Variants in STXBP3 observed in about 807,000 individuals in gnomAD.
STXBP3 encodes the protein syntaxin binding protein 3, also known as syntaxin-binding protein 3.
Under a neutral mutation model 85.7 loss-of-function variants are expected in STXBP3, and 41 were observed. The ratio of observed to expected loss-of-function variants is 0.48; its 90% CI spans 0.37 to 0.62. The LOEUF (loss-of-function observed/expected upper bound fraction) is 0.62, where lower values mean the gene tolerates loss of function less well. Among genes scored for constraint, STXBP3 ranks in the 20% least tolerant of loss-of-function variants. The pLI, the probability that STXBP3 is intolerant of heterozygous loss-of-function variation, is 0.00. For missense variants in STXBP3, 563 were observed against 703.1 expected, an observed-to-expected ratio of 0.80 and a Z score of 2.25; for synonymous variants, 229 against 231.7, an observed-to-expected ratio of 0.99 and a Z score of 0.10.
intron 13 of STXBP3, among the ~76,000 whole-genome samples, chr1:108,795,782 T>C (rs1442044138): frequency 1.3e-5 from 2 of 152,246 alleles, no homozygotes; most frequent in African/African-American, 4.8e-5. Context: ...AACAATAGTT[T>C]ACAAGTGATG....
chr1:108,785,061 A>C (rs888358652), intron 11 of STXBP3, among the ~76,000 whole-genome samples: 1 of 152,172 alleles, frequency 6.6e-6, no homozygotes, highest in East Asian at 1.9e-4. Flanking sequence ...CAGCTTTTCC[A>C]GGCACATGTT....
intron 17 of STXBP3, among the ~76,000 whole-genome samples, chr1:108,807,156 A>G (rs1430654882): frequency 9.2e-5 from 14 of 151,726 alleles, no homozygotes; most frequent in South Asian, 2.1e-4. Flanking sequence ...GGAGGCTGAA[A>G]CAGGAGAATT....
At chr1:108,763,636 C>T (rs897875964) in intron 6 of STXBP3, among the ~76,000 whole-genome samples, 1 of 152,024 alleles carries the variant, frequency 6.6e-6, no homozygotes, top group Non-Finnish European at 1.5e-5. Flanking sequence ...GGTGCAGTGG[C>T]GCGATCTCAG....
At chr1:108,805,333 T>C (rs1663305160) in intron 17 of STXBP3, among the ~76,000 whole-genome samples, 1 of 152,302 alleles carries the variant, frequency 6.6e-6, no homozygotes, top group Non-Finnish European at 1.5e-5. Context: ...TTTTTAATTT[T>C]AGTTTTTAAA....
chr1:108,750,435 T>A (rs1198142041), intron 1 of STXBP3, among the ~76,000 whole-genome samples: 3 of 152,194 alleles, frequency 2.0e-5, no homozygotes, highest in Non-Finnish European at 2.9e-5. Flanking sequence ...ATTATCTCAA[T>A]TGATATTTCA....
rs371859415 is a variant in STXBP3, at chr1:108,807,387, A to T, written c.1536-14A>T. The T allele has an allele frequency of 1.1e-3, 1,770 of 1,570,606 alleles. 4 individuals are homozygous for T. In the African/African-American group the frequency reaches 0.015, roughly 13 times the overall value. On this transcript the variant is annotated splice_polypyrimidine_tract_variant and intron_variant, in intron 17 of 18. Coordinates refer to ENST00000370008, the MANE Select transcript of STXBP3 (RefSeq NM_007269.4). The stretch of plus-strand genomic sequence containing the variant: ...ATAACATGTTTACTTTTTTTTTTTT[A>T]AATTACTTTTTAGTGCTCGCCAGAA...
At chr1:108,793,464 G>A (rs1356556383) in intron 11 of STXBP3, 118 bp from the exon 12 acceptor site, 10 of 842,746 alleles carry the variant, frequency 1.2e-5, no homozygotes, top group African/African-American at 1.8e-5. Context: ...CAAAAAAATT[G>A]TCAAATATTC....
At chr1:108,795,290 T>A (rs1663065642) in intron 13 of STXBP3, among the ~76,000 whole-genome samples, 1 of 152,120 alleles carries the variant, frequency 6.6e-6, no homozygotes, top group South Asian at 2.1e-4. Context: ...CCATTGCCCC[T>A]CATAGAATAC....
At position 108,796,353 on chromosome 1, in the gene STXBP3, T is replaced by A; in HGVS notation, c.1230T>A (p.Leu410=). 6.5e-7 allele frequency: 1 copy of A among 1,549,012 alleles called. No homozygotes were observed. Among genetic ancestry groups the A allele is most frequent in the Non-Finnish European group, 8.9e-7 (1 of 1,121,688 alleles). Reference sequence around the variant, plus strand: ...GTGATAAAATAAGAGCAATTCTACTTTATATCTTCAGTATTAATGGTAATG... The same window carrying A: ...GTGATAAAATAAGAGCAATTCTACTATATATCTTCAGTATTAATGGTAATG... ...DNCDKIRAIL[L]YIFSINGTTE... is the part of the protein sequence containing the mutation. Residue 410 remains leucine, a synonymous_variant, in exon 14 of 19, where the codon CTT becomes CTA. Transcript: ENST00000370008.
intron 6 of STXBP3, among the ~76,000 whole-genome samples, chr1:108,763,024 C>T (rs1662172880): frequency 6.6e-6 from 1 of 152,206 alleles, no homozygotes; most frequent in Non-Finnish European, 1.5e-5. Context: ...AGGACACAAT[C>T]ACATTTTTTA....
chr1:108,778,701 T>G (rs1251243894), intron 8 of STXBP3, among the ~76,000 whole-genome samples: 1 of 152,220 alleles, frequency 6.6e-6, no homozygotes, highest in Non-Finnish European at 1.5e-5. Flanking sequence ...TAAGTTTTAG[T>G]GCTTTTGGAA....
intron 8 of STXBP3, 90 bp downstream of exon 8, chr1:108,776,513 T>C: frequency 1.1e-6 from 1 of 932,920 alleles, no homozygotes; most frequent in Non-Finnish European, 1.6e-6. Context: ...TTTTCTAGTA[T>C]TGATTTGGGA....
intron 8 of STXBP3, 118 bp from the exon 9 acceptor site, chr1:108,779,168 T>C: frequency 9.3e-7 from 1 of 1,080,408 alleles, no homozygotes; most frequent in Non-Finnish European, 1.3e-6. Flanking sequence ...GTTGTATGTT[T>C]TTGGTGGGGA....
At chr1:108,783,368 C>G (rs1454822171) in intron 11 of STXBP3, among the ~76,000 whole-genome samples, 1 of 152,150 alleles carries the variant, frequency 6.6e-6, no homozygotes, top group African/African-American at 2.4e-5. Context: ...AGAATATTCC[C>G]TCTTGTCCTT....
chr1:108,765,023 A>C (rs1662228591), intron 6 of STXBP3, among the ~76,000 whole-genome samples: 1 of 152,088 alleles, frequency 6.6e-6, no homozygotes, highest in Admixed American at 6.5e-5. Context: ...TTTTACCTTT[A>C]AGTCTTTAAT....
intron 1 of STXBP3, among the ~76,000 whole-genome samples, chr1:108,747,110 GCCGCGCTCCCCACTCTTCTCCGCTCCCGT>G: frequency 6.8e-6 from 1 of 147,394 alleles, no homozygotes; most frequent in East Asian, 2.0e-4. Flanking sequence ...CGTGCCCTCG[GCCGCGCTCCCCACTCTTCTCCGCTCCCGT>G]CCGCGCTCCA....
chr1:108,775,570 C>T (rs1300599028), intron 7 of STXBP3, among the ~76,000 whole-genome samples: 4 of 152,002 alleles, frequency 2.6e-5, no homozygotes, highest in Admixed American at 6.6e-5. Flanking sequence ...CACTCCTGCC[C>T]CTTTCCAGCC....
At position 108,794,893 on chromosome 1, in the gene STXBP3, T is replaced by A. The variant is rs1663058987; in HGVS notation, c.1096T>A (p.Cys366Ser). Residue 366 changes from cysteine (C) to serine (S), a missense_variant, in exon 13 of 19, where the codon TGC (cysteine) becomes AGC (serine). Physicochemically the swap from Cys to Ser is moderately radical, Grantham distance 112. Around this residue, in one of 3 missense-constraint regions of STXBP3, gnomAD observed 494 missense variants for 592.8 expected, o/e 0.83. Transcript: ENST00000370008. ...GTTCAAGCTTAATATAGAAAAGCTC[T>A]GCAAAACTGAACAGGTATGTGCAGA... The part of the protein sequence containing the change: ...NKFKLNIEKL[C>S]KTEQDLALGT... The A allele has an allele frequency of 1.2e-6, 2 of 1,606,516 alleles. No individual in the cohort carries two copies. The highest frequency in any genetic ancestry group is 1.7e-6 in the Non-Finnish European group (2 of 1,175,694).
At position 108,755,300 on chromosome 1, in the gene STXBP3, A is replaced by G. The variant is rs551213295; in HGVS notation, c.182-1390A>G. Among the ~76,000 whole-genome samples the G allele has an allele frequency of 2.0e-5, 3 of 152,002 alleles. 1 individual carries two copies. The South Asian group carries it at 6.2e-4, about 32-fold the overall frequency. On this transcript the variant is annotated intron_variant, in intron 3 of 18. Transcript: ENST00000370008. ...GTCTCTACTAAAATCCAAAAAAATTAACCAAGCATGGTGGCACATACCTGT... is the reference window on the plus strand; with the variant it reads ...GTCTCTACTAAAATCCAAAAAAATTGACCAAGCATGGTGGCACATACCTGT...
Sources: allele counts gnomAD v4.1 joint callset (sites outside exome capture counted in the v4.1 genomes callset), GRCh38; gene constraint gnomAD v4.1.1; regional missense constraint gnomAD v4.1.1; transcripts MANE v1.5; gene names NCBI Gene and HGNC (gene_info 2026-07-23, HGNC 2026-07-21).